The following C13orf46 variants were observed in gnomAD, a reference collection of about 807,000 sequenced individuals.
C13orf46 encodes the protein uncharacterized protein C13orf46.
chr13:113,951,941 C>T (rs908344457), downstream of C13orf46, among the ~76,000 whole-genome samples: 2 of 152,230 alleles, frequency 1.3e-5, no homozygotes, highest in African/African-American at 4.8e-5. Flanking sequence ...CAACCTATGC[C>T]TCTCTCCGTA....
intron 6 of C13orf46, among the ~76,000 whole-genome samples, chr13:113,964,070 C>T (rs1057371719): frequency 0.022 from 3,396 of 152,166 alleles, 129 homozygotes; most frequent in African/African-American, 0.077. Flanking sequence ...AGGATGGTCT[C>T]GATCTCCTGA....
In C13orf46 at chr13:113,956,338, G is replaced by C. The variant is rs2052533603; in HGVS notation, c.*435C>G. On this transcript the variant is annotated 3_prime_UTR_variant, in exon 7 of 7. Transcript: ENST00000636427. Reference sequence around the variant, plus strand: ...GAGAGGAGGAGTAGTATCTGGTGGAGAGGAGTAGTATCTGGTGGAGAGGAG... The same window carrying C: ...GAGAGGAGGAGTAGTATCTGGTGGACAGGAGTAGTATCTGGTGGAGAGGAG... 3.7e-5 allele frequency: 2 copies of C among 54,700 alleles called. No individual in the cohort carries two copies. The highest frequency in any genetic ancestry group is 7.1e-4 in the East Asian group (2 of 2,822). 3.4% of individuals were successfully genotyped at this position (54,700 alleles called of 1,614,324 possible). A position where few individuals can be genotyped will look rare whatever the true frequency, so the allele number is the denominator to read the frequency against.
At chr13:113,958,284 A>G (rs1174308566) in intron 6 of C13orf46, among the ~76,000 whole-genome samples, 1 of 150,742 alleles carries the variant, frequency 6.6e-6, no homozygotes, top group African/African-American at 2.4e-5. Flanking sequence ...CATGCACCCC[A>G]TTTCATCAAG....
chr13:113,947,122 T>C, the C13orf46 span, among the ~76,000 whole-genome samples: 1 of 152,066 alleles, frequency 6.6e-6, no homozygotes, highest in Admixed American at 6.5e-5. Flanking sequence ...AGCCTGAAGA[T>C]TCCTGAAGGG....
Position 113,957,793 on chromosome 13 carries a change from C to T in C13orf46, c.573-954G>A, listed in dbSNP as rs1174749972. Among the ~76,000 whole-genome samples, 546 of 142,916 alleles carry T rather than the reference C, an allele frequency of 3.8e-3. 7 individuals carry two copies. Among genetic ancestry groups the T allele is most frequent in the African/African-American group, 0.014 (511 of 37,694 alleles). The allele number at this position is 142,916 out of a possible 152,430, so 93.8% of individuals were successfully genotyped here. On this transcript the variant is annotated intron_variant, in intron 6 of 6. Coordinates refer to ENST00000636427, the MANE Select transcript of C13orf46 (RefSeq NM_001365455.2). ...GGAGTTCTCCCCTGCACTCTGCCTGCACCCCCTTTCATCAAGCACACTGGT... is the reference window on the plus strand; with the variant it reads ...GGAGTTCTCCCCTGCACTCTGCCTGTACCCCCTTTCATCAAGCACACTGGT...
chr13:113,946,890 G>C, the C13orf46 span, among the ~76,000 whole-genome samples: 1 of 152,258 alleles, frequency 6.6e-6, no homozygotes, highest in Non-Finnish European at 1.5e-5. Flanking sequence ...CTGCCCTTTG[G>C]AGCCCCACAG....
At chr13:113,946,218 C>A in the C13orf46 span, among the ~76,000 whole-genome samples, 3 of 152,232 alleles carry the variant, frequency 2.0e-5, no homozygotes, top group African/African-American at 7.2e-5. Flanking sequence ...TAGCACTGTA[C>A]TCCCCACCGG....
chr13:113,945,669 A>AAAGGAAGG, the C13orf46 span, among the ~76,000 whole-genome samples: 1 of 132,018 alleles, frequency 7.6e-6, no homozygotes, highest in South Asian at 2.3e-4. Context: ...AGAAAGAAAG[A>AAAGGAAGG]AAGGAAAGAA....
chr13:113,931,308 C>T, the C13orf46 span, among the ~76,000 whole-genome samples: 1 of 150,968 alleles, frequency 6.6e-6, no homozygotes, highest in Middle Eastern at 3.2e-3. Context: ...GAGAGGCTCA[C>T]TTTGCGGTTG....
chr13:113,954,226 C>G lies in C13orf46; in HGVS notation c.*2547G>C, dbSNP rs959525870. The G allele has an allele frequency of 6.6e-6, 1 of 152,286 alleles. No homozygotes were observed. Among genetic ancestry groups the G allele is most frequent in the Non-Finnish European group, 1.5e-5 (1 of 68,060 alleles). 9.4% of individuals were successfully genotyped at this position (152,286 alleles called of 1,614,324 possible). A position where few individuals can be genotyped will look rare whatever the true frequency, so the allele number is the denominator to read the frequency against. ...GGAATAGACAGTGCACACAGCATCT[C>G]CGCCTGTGGCCTCTGACTGCCTTAG... On this transcript the variant is annotated 3_prime_UTR_variant, in exon 7 of 7. Transcript: ENST00000636427.
the C13orf46 span, among the ~76,000 whole-genome samples, chr13:113,933,832 G>T: frequency 1.3e-5 from 2 of 152,312 alleles, no homozygotes; most frequent in African/African-American, 4.8e-5. Context: ...GCAGCACTTT[G>T]CAGAGCTACA....
At chr13:113,967,319 T>C (rs2052659530) in intron 5 of C13orf46, 22 bp downstream of exon 5, 1 of 152,268 alleles carries the variant, frequency 6.6e-6, no homozygotes, top group African/African-American at 2.4e-5. Flanking sequence ...GCTCTGCTTG[T>C]CTTGCGGTTT....
the C13orf46 span, among the ~76,000 whole-genome samples, chr13:113,937,027 C>T: frequency 1.3e-5 from 2 of 152,244 alleles, no homozygotes; most frequent in Non-Finnish European, 2.9e-5. Context: ...TTTACAAAGG[C>T]TGTTGAGTTT....
intron 6 of C13orf46, among the ~76,000 whole-genome samples, chr13:113,959,995 G>A (rs2052574754): frequency 6.6e-6 from 1 of 152,172 alleles, no homozygotes; most frequent in African/African-American, 2.4e-5. Context: ...GCTCATGCCT[G>A]TAATCCCAGC....
the C13orf46 span, among the ~76,000 whole-genome samples, chr13:113,946,951 G>A: frequency 3.3e-5 from 5 of 152,260 alleles, no homozygotes; most frequent in Non-Finnish European, 7.3e-5. Context: ...CGGCAGGTGC[G>A]TGGGCCGAAG....
At chr13:113,938,156 G>A in the C13orf46 span, among the ~76,000 whole-genome samples, 3 of 152,108 alleles carry the variant, frequency 2.0e-5, no homozygotes, top group Non-Finnish European at 4.4e-5. Context: ...ATGTGGTTGC[G>A]GCCTCAACTG....
At chr13:113,957,569 G>A (rs1397089406) in intron 6 of C13orf46, among the ~76,000 whole-genome samples, 23 of 65,958 alleles carry the variant, frequency 3.5e-4, no homozygotes, top group East Asian at 1.1e-3. Context: ...TTCATCAAGC[G>A]CACTGGGGGG....
intron 6 of C13orf46, among the ~76,000 whole-genome samples, chr13:113,961,566 T>C (rs1407525227): frequency 6.6e-6 from 1 of 151,886 alleles, no homozygotes; most frequent in Non-Finnish European, 1.5e-5. Context: ...TTCTGAAGTA[T>C]TCTCTAAAAA....
At chr13:113,949,946 C>G (rs1364700181), downstream of C13orf46, among the ~76,000 whole-genome samples, 1 of 146,114 alleles carries the variant, frequency 6.8e-6, no homozygotes, top group Admixed American at 6.8e-5. Flanking sequence ...CTGGAGAATA[C>G]GGTCATCACC....
Sources: gnomAD v4.1 joint callset for allele counts (sites outside exome capture counted in the v4.1 genomes callset) on GRCh38, gnomAD v4.1.1 for gene constraint, MANE v1.5 for transcripts, NCBI Gene and HGNC (gene_info 2026-07-23, HGNC 2026-07-21) for gene names.